PIK3C3: variants seen among roughly 807,000 people sequenced by gnomAD.
The protein encoded by PIK3C3 is PI3-kinase type 3.
Under a neutral mutation model 126.1 loss-of-function variants are expected in PIK3C3, and 95 were observed. That is an observed-to-expected ratio of 0.75 (90% confidence interval 0.64 to 0.89). The LOEUF (loss-of-function observed/expected upper bound fraction) is 0.89, where lower values mean the gene tolerates loss of function less well. Among genes scored for constraint, PIK3C3 ranks in the 40% least tolerant of loss-of-function variants. PIK3C3 has a pLI of 0.00. For missense variants in PIK3C3, 829 were observed against 1,063.2 expected, an observed-to-expected ratio of 0.78 and a Z score of 3.06; for synonymous variants, 374 against 360.0, an observed-to-expected ratio of 1.04 and a Z score of -0.44.
intron 4 of PIK3C3, among the ~76,000 whole-genome samples, chr18:41,980,100 A>G (rs1981123730): frequency 6.6e-6 from 1 of 152,164 alleles, no homozygotes; most frequent in Non-Finnish European, 1.5e-5. Flanking sequence ...AGGACCTATT[A>G]GTGATCTTTT....
intron 21 of PIK3C3, 96 bp from the exon 22 acceptor site, chr18:42,057,787 A>T: frequency 9.2e-7 from 1 of 1,084,100 alleles, no homozygotes; most frequent in Non-Finnish European, 1.4e-6. Flanking sequence ...AATATTCTTT[A>T]TGAAGAGACA....
At chr18:41,982,430 T>G (rs1039538971) in intron 4 of PIK3C3, among the ~76,000 whole-genome samples, 19 of 152,160 alleles carry the variant, frequency 1.2e-4, no homozygotes, top group Non-Finnish European at 2.6e-4. Context: ...TTGGATTTTA[T>G]TTCAGGTGGT....
intron 9 of PIK3C3, among the ~76,000 whole-genome samples, chr18:41,998,607 G>T (rs546516167): frequency 2.8e-4 from 43 of 152,188 alleles, no homozygotes; most frequent in Admixed American, 4.6e-4. Flanking sequence ...GATATAAAGT[G>T]TGTGACAAGT....
intron 4 of PIK3C3, chr18:41,970,889 T>A (rs190825351): frequency 3.4e-4 from 67 of 194,256 alleles, no homozygotes; most frequent in African/African-American, 1.3e-3. Flanking sequence ...ATGTGGAGCG[T>A]TGGTGATATT....
intron 22 of PIK3C3, among the ~76,000 whole-genome samples, chr18:42,059,170 G>A (rs933932148): frequency 7.9e-5 from 12 of 152,046 alleles, no homozygotes; most frequent in African/African-American, 2.2e-4. Flanking sequence ...ACAGTAATGG[G>A]GTTTCATTTA....
intron 20 of PIK3C3, among the ~76,000 whole-genome samples, chr18:42,045,257 A>G (rs1166916377): frequency 6.6e-6 from 1 of 152,038 alleles, no homozygotes; most frequent in African/African-American, 2.4e-5. Context: ...AAAAACACTG[A>G]AGATTTTGAG....
At chr18:42,080,441 G>C (rs900823443) in intron 24 of PIK3C3, among the ~76,000 whole-genome samples, 2 of 144,302 alleles carry the variant, frequency 1.4e-5, no homozygotes, top group African/African-American at 5.0e-5. Flanking sequence ...ATGAAGTGAA[G>C]GTCTTAGAAA....
intron 3 of PIK3C3, among the ~76,000 whole-genome samples, chr18:41,966,178 T>C (rs113792983): frequency 0.034 from 2,801 of 83,142 alleles, 55 homozygotes; most frequent in African/African-American, 0.22. Flanking sequence ...ATATTGTTCC[T>C]TTTTTTTTTT....
intron 4 of PIK3C3, among the ~76,000 whole-genome samples, chr18:41,978,540 A>G (rs1206181939): frequency 6.6e-6 from 1 of 152,178 alleles, no homozygotes; most frequent in Middle Eastern, 3.2e-3. Flanking sequence ...GGACTAAAGA[A>G]GGTCTTGGAT....
intron 13 of PIK3C3, among the ~76,000 whole-genome samples, chr18:42,024,928 C>T (rs916760731): frequency 4.0e-5 from 6 of 151,816 alleles, no homozygotes; most frequent in South Asian, 4.2e-4. Context: ...CTCAGCCTCC[C>T]GAGCAGCTGG....
At chr18:42,019,216 A>G (rs670596) in intron 12 of PIK3C3, among the ~76,000 whole-genome samples, 4,235 of 152,238 alleles carry the variant, frequency 0.028, 195 homozygotes, top group African/African-American at 0.096. Flanking sequence ...TTTTCCTGAT[A>G]GAAATACTCA....
At chr18:42,061,096 A>C (rs1355175314) in intron 22 of PIK3C3, among the ~76,000 whole-genome samples, 1 of 152,222 alleles carries the variant, frequency 6.6e-6, no homozygotes, top group Non-Finnish European at 1.5e-5. Context: ...GTGTGACTAG[A>C]GTGTAGCACA....
chr18:42,029,409 G>A lies in PIK3C3; in HGVS notation c.1675G>A (p.Val559Ile), dbSNP rs780440255. The A allele has an allele frequency of 2.5e-5, 40 of 1,611,972 alleles. No individual in the cohort carries two copies. Among genetic ancestry groups the A allele is most frequent in the Non-Finnish European group, 3.4e-5 (40 of 1,178,350 alleles). Residue 559 changes from valine to isoleucine, a missense_variant, in exon 15 of 25, where the codon GTA becomes ATA. Physicochemically the swap from Val to Ile is conservative, Grantham distance 29. Coordinates refer to ENST00000262039, the MANE Select transcript of PIK3C3 (RefSeq NM_002647.4). ...VDRLVHLMKA[V>I]QRESGNRKKK... ...TCGGTTGGTGCATCTAATGAAGGCA[G>A]TACAACGCGAAAGTGGAAATCGTAA...
At chr18:42,013,113 CTT>C (rs67564071) in intron 10 of PIK3C3, among the ~76,000 whole-genome samples, 66 of 136,798 alleles carry the variant, frequency 4.8e-4, no homozygotes, top group Middle Eastern at 3.7e-3. Context: ...ATCCTTCCCA[CTT>C]TTTTTTTTTT....
intron 4 of PIK3C3, among the ~76,000 whole-genome samples, chr18:41,982,042 T>G (rs1276593473): frequency 2.0e-5 from 3 of 152,124 alleles, no homozygotes; most frequent in Admixed American, 2.0e-4. Context: ...TGTCTTTTTT[T>G]GAAGAATTAC....
chr18:41,996,713 C>G lies in PIK3C3; in HGVS notation c.967C>G (p.Leu323Val). The change falls in exon 9 of 25, where the codon CTT becomes GTT. Residue 323 changes from leucine (L) to valine (V), a missense_variant. Transcript: ENST00000262039. ...QDLVWKFRYYLTNQEKALTKF... is the reference protein window; with the variant it reads ...QDLVWKFRYYVTNQEKALTKF... ...TCTTGTTTGGAAGTTTAGATATTAT[C>G]TTACGAATCAAGAAAAAGTGAGTGT... is the stretch of plus-strand genomic sequence containing the variant. 6.4e-7 allele frequency: 1 copy of G among 1,551,668 alleles called. No homozygotes were observed. The highest frequency in any genetic ancestry group is 8.8e-7 in the Non-Finnish European group (1 of 1,137,216).
chr18:42,050,521 C>G (rs573132562), intron 21 of PIK3C3: 1 of 152,156 alleles, frequency 6.6e-6, no homozygotes, highest in East Asian at 1.9e-4. Flanking sequence ...ACCTGTTTCT[C>G]ACCTCATTTT....
rs1376476250 is a variant in PIK3C3 at position 41,974,241 on chromosome 18, C to G, written c.531+3785C>G. 7.9e-5 allele frequency among the ~76,000 whole-genome samples: 12 copies of G among 152,146 alleles called. 1 individual carries two copies. Among genetic ancestry groups the G allele is most frequent in the Non-Finnish European group, 1.5e-5 (1 of 68,016 alleles). ...CTTCCACTACAAGCCAGACTTAACC[C>G]TCTTCTGATTTATTGCTCACCTATT... is the stretch of plus-strand genomic sequence containing the variant. On this transcript the variant is annotated intron_variant, in intron 4 of 24. Coordinates refer to ENST00000262039, the MANE Select transcript of PIK3C3 (RefSeq NM_002647.4).
At chr18:42,078,173 C>T (rs1228793798) in intron 24 of PIK3C3, among the ~76,000 whole-genome samples, 1 of 151,258 alleles carries the variant, frequency 6.6e-6, no homozygotes, top group Non-Finnish European at 1.5e-5. Flanking sequence ...GTCAGGAGAT[C>T]GAGACCATCC....
Sources: allele counts gnomAD v4.1 joint callset (sites outside exome capture counted in the v4.1 genomes callset), GRCh38; gene constraint gnomAD v4.1.1; transcripts MANE v1.5; gene names NCBI Gene and HGNC (gene_info 2026-07-23, HGNC 2026-07-21).